The following SLC13A3 variants were observed in gnomAD, a reference collection of about 807,000 sequenced individuals.
The protein encoded by SLC13A3 is solute carrier family 13 member 3.
Under a neutral mutation model 59.0 loss-of-function variants are expected in SLC13A3, and 40 were observed. The observed-to-expected ratio is 0.68, with a 90% confidence interval of 0.53 to 0.88. The LOEUF (loss-of-function observed/expected upper bound fraction) is 0.88, where lower values mean the gene tolerates loss of function less well. Among genes scored for constraint, SLC13A3 ranks in the 40% least tolerant of loss-of-function variants. The pLI is 0.00. For missense variants in SLC13A3, 699 were observed against 783.2 expected, an observed-to-expected ratio of 0.89 and a Z score of 1.28; for synonymous variants, 317 against 330.3, an observed-to-expected ratio of 0.96 and a Z score of 0.44.
chr20:46,645,132 G>GC (rs965410222), intron 1 of SLC13A3, among the ~76,000 whole-genome samples: 1 of 152,096 alleles, frequency 6.6e-6, no homozygotes, highest in Middle Eastern at 3.2e-3. Flanking sequence ...TCAGCTCACA[G>GC]CCCCACATCA....
intron 8 of SLC13A3, chr20:46,584,007 G>A (rs748766876): frequency 8.1e-5 from 80 of 985,118 alleles, no homozygotes; most frequent in Non-Finnish European, 9.2e-5. Context: ...CACCCTCACC[G>A]GGACTCCTGT....
At chr20:46,566,170 A>T (rs2146081005) in intron 11 of SLC13A3, 59 bp downstream of exon 11, 1 of 1,448,692 alleles carries the variant, frequency 6.9e-7, no homozygotes, top group East Asian at 2.3e-5. Context: ...TGGCGGGGGA[A>T]GATTTCTGAA....
intron 5 of SLC13A3, among the ~76,000 whole-genome samples, chr20:46,593,909 T>A (rs1266352600): frequency 6.6e-6 from 1 of 152,178 alleles, no homozygotes; most frequent in Non-Finnish European, 1.5e-5. Flanking sequence ...TGGAGGTATT[T>A]CAAACTTCTT....
chr20:46,601,791 C>T (rs1331427132), intron 3 of SLC13A3, among the ~76,000 whole-genome samples: 3 of 151,968 alleles, frequency 2.0e-5, no homozygotes, highest in African/African-American at 7.3e-5. Flanking sequence ...GTGCAAAGGC[C>T]CTGGGGTGGG....
chr20:46,577,995 T>C (rs1020948060), intron 9 of SLC13A3, among the ~76,000 whole-genome samples: 1 of 152,318 alleles, frequency 6.6e-6, no homozygotes, highest in East Asian at 1.9e-4. Context: ...ATTTATTTTT[T>C]ATTTTTATTT....
At position 46,632,016 on chromosome 20, in the gene SLC13A3, G is replaced by A. The variant is rs1024368558; in HGVS notation, c.112-18291C>T. Among the ~76,000 whole-genome samples the A allele has an allele frequency of 3.3e-5, 5 of 152,116 alleles. No individual in the cohort carries two copies. The East Asian group carries it at 9.7e-4, about 29-fold the overall frequency. On this transcript the variant is annotated intron_variant, in intron 1 of 12. Coordinates refer to ENST00000279027, the MANE Select transcript of SLC13A3 (RefSeq NM_022829.6). ...TTCCCCCTGCCCCAGCTCCCTGCTG[G>A]GCTGCAGCTGGCATTTTTGTCAGGG...
chr20:46,663,695 C>A (rs975569935), intron 1 of SLC13A3, among the ~76,000 whole-genome samples: 1 of 152,040 alleles, frequency 6.6e-6, no homozygotes, highest in Admixed American at 6.6e-5. Flanking sequence ...CTATTATATT[C>A]CCATTTTGCA....
chr20:46,633,760 A>G (rs954212289), intron 1 of SLC13A3, among the ~76,000 whole-genome samples: 11 of 152,270 alleles, frequency 7.2e-5, no homozygotes, highest in Admixed American at 2.6e-4. Flanking sequence ...AGAGAACTCA[A>G]GTGACTTGCT....
chr20:46,608,722 AG>A, intron 3 of SLC13A3: 1 of 855,968 alleles, frequency 1.2e-6, no homozygotes, highest in Non-Finnish European at 1.7e-6. Context: ...AAGTTTTAAC[AG>A]ATACGTATTT....
At chr20:46,658,758 A>T (rs2063009877) in intron 1 of SLC13A3, among the ~76,000 whole-genome samples, 1 of 152,218 alleles carries the variant, frequency 6.6e-6, no homozygotes, top group African/African-American at 2.4e-5. Flanking sequence ...AGATTCTTAA[A>T]GTCTCCAATT....
intron 9 of SLC13A3, among the ~76,000 whole-genome samples, chr20:46,581,303 C>A (rs1202781233): frequency 6.6e-6 from 1 of 152,204 alleles, no homozygotes; most frequent in African/African-American, 2.4e-5. Flanking sequence ...GGCACCTGAC[C>A]AAGGGCAGCT....
At chr20:46,561,695 G>T (rs2061932896) in intron 12 of SLC13A3, among the ~76,000 whole-genome samples, 1 of 149,980 alleles carries the variant, frequency 6.7e-6, no homozygotes, top group Admixed American at 6.6e-5. Flanking sequence ...ATTTAGTAAA[G>T]GTGTTAAATA....
In SLC13A3 at chr20:46,559,862, A is replaced by G; in HGVS notation, c.*160T>C. 1 of 640,742 alleles carries G rather than the reference A, an allele frequency of 1.6e-6. No individual in the cohort carries two copies. The highest frequency in any genetic ancestry group is 2.1e-5 in the South Asian group (1 of 47,204). 39.7% of individuals were successfully genotyped at this position (640,742 alleles called of 1,614,324 possible). ...GAAAGAGAGAGAAAGTATCCTAGATAATGGCTCATGGACTTGAGTGGGCCA... is the reference window on the plus strand; with the variant it reads ...GAAAGAGAGAGAAAGTATCCTAGATGATGGCTCATGGACTTGAGTGGGCCA... On this transcript the variant is annotated 3_prime_UTR_variant, in exon 13 of 13. Transcript: ENST00000279027.
intron 1 of SLC13A3, among the ~76,000 whole-genome samples, chr20:46,629,159 A>T (rs2062710413): frequency 6.6e-6 from 1 of 152,222 alleles, no homozygotes. Flanking sequence ...CACATATTTT[A>T]AAAAAGAAGG....
In SLC13A3 at chr20:46,596,019, T is replaced by C. The variant is rs951879381; in HGVS notation, c.794+138A>G. The C allele has an allele frequency of 7.1e-5, 52 of 729,560 alleles. No homozygotes were observed. The African/African-American group carries it at 9.1e-4, about 13-fold the overall frequency. 45.2% of individuals were successfully genotyped at this position (729,560 alleles called of 1,614,324 possible). ...AGTTCCCCAAGGGCAGGGATCTCAC[T>C]GGATTTTGTGCATTGCTGTGTTCCC... On this transcript the variant is annotated intron_variant, in intron 5 of 12. Transcript: ENST00000279027.
intron 1 of SLC13A3, among the ~76,000 whole-genome samples, chr20:46,632,896 G>GATAT (rs2062755067): frequency 6.0e-5 from 1 of 16,594 alleles, no homozygotes; most frequent in African/African-American, 2.3e-4. Flanking sequence ...TAGATAGATA[G>GATAT]ATAGATAGAT....
intron 1 of SLC13A3, among the ~76,000 whole-genome samples, chr20:46,615,186 C>T (rs575005550): frequency 1.3e-5 from 2 of 152,310 alleles, no homozygotes; most frequent in Admixed American, 1.3e-4. Flanking sequence ...TTCTTATGTC[C>T]TTTCAAGGCA....
intron 1 of SLC13A3, among the ~76,000 whole-genome samples, chr20:46,637,102 C>G (rs2062803285): frequency 6.6e-6 from 1 of 152,130 alleles, no homozygotes; most frequent in African/African-American, 2.4e-5. Context: ...CCCGGCCTGA[C>G]ATTTTCAATT....
At chr20:46,664,619 G>C (rs1486785178) in intron 1 of SLC13A3, among the ~76,000 whole-genome samples, 1 of 152,096 alleles carries the variant, frequency 6.6e-6, no homozygotes, top group Non-Finnish European at 1.5e-5. Context: ...AAATAAATGA[G>C]TAAAATGTAT....
Sources: allele counts gnomAD v4.1 joint callset (sites outside exome capture counted in the v4.1 genomes callset), GRCh38; gene constraint gnomAD v4.1.1; transcripts MANE v1.5; gene names NCBI Gene and HGNC (gene_info 2026-07-23, HGNC 2026-07-21).